The following FAM200B variants were observed in gnomAD, a reference collection of about 807,000 sequenced individuals.
FAM200B encodes zinc finger BED-type containing 11.
Under a neutral mutation model 33.1 loss-of-function variants are expected in FAM200B, and 32 were observed. That is an observed-to-expected ratio of 0.97 (90% confidence interval 0.73 to 1.30). The LOEUF is 1.30. FAM200B is among the 50% of genes most tolerant of loss of function. FAM200B has a pLI of 0.00. For missense variants in FAM200B, 741 were observed against 754.0 expected (o/e 0.98, Z 0.20); for synonymous variants, 240 against 264.8 (o/e 0.91, Z 0.91).
chr4:15,683,556 A>G (rs1718553198), intron 1 of FAM200B, among the ~76,000 whole-genome samples: 1 of 152,204 alleles, frequency 6.6e-6, no homozygotes, highest in East Asian at 1.9e-4. Context: ...AATGATCCAT[A>G]TATAGTAATA....
chr4:15,667,835 A>G, the FAM200B span, among the ~76,000 whole-genome samples: 1 of 152,176 alleles, frequency 6.6e-6, no homozygotes, highest in Non-Finnish European at 1.5e-5. Context: ...TGAGGTCAGG[A>G]GTTCGAGACT....
At chr4:15,654,127 G>C in the FAM200B span, among the ~76,000 whole-genome samples, 8 of 152,274 alleles carry the variant, frequency 5.3e-5, no homozygotes, top group Middle Eastern at 3.4e-3. Context: ...TCCTCCAATC[G>C]CCTGGCTGAG....
At chr4:15,638,735 C>T in the FAM200B span, 5 of 1,285,894 alleles carry the variant, frequency 3.9e-6, no homozygotes, top group Non-Finnish European at 3.3e-6. Flanking sequence ...ATGCTTCATT[C>T]GTGTTGATTT....
chr4:15,644,764 A>G, the FAM200B span: 4 of 1,289,608 alleles, frequency 3.1e-6, no homozygotes, highest in South Asian at 2.6e-5. Flanking sequence ...ATGCACAAAT[A>G]AAAAATATTC....
chr4:15,646,793 G>A, the FAM200B span, among the ~76,000 whole-genome samples: 6 of 150,536 alleles, frequency 4.0e-5, no homozygotes, highest in African/African-American at 1.5e-4. Context: ...AGAACATGCG[G>A]TGTTTGGTTT....
the FAM200B span, among the ~76,000 whole-genome samples, chr4:15,651,952 G>A: frequency 6.6e-6 from 1 of 152,114 alleles, no homozygotes. Flanking sequence ...AACTCCCTTT[G>A]CTCCCACTAT....
the FAM200B span, among the ~76,000 whole-genome samples, chr4:15,670,914 CTTTTTTTTTTTTT>C: frequency 2.6e-4 from 14 of 54,144 alleles, no homozygotes; most frequent in African/African-American, 1.1e-3. Context: ...TGTGCGTAGA[CTTTTTTTTTTTTT>C]TTTTTTTTTT....
In FAM200B at chr4:15,688,125, A is replaced by T. The variant is rs762723727; in HGVS notation, c.1148A>T (p.His383Leu). ...IGTNHTHLLY[H>L]TKIRWLSQGK... ...ACTAATCATACCCACTTACTATATC[A>T]TACCAAAATTCGTTGGTTGTCTCAA... is the stretch of plus-strand genomic sequence containing the variant. The change falls in exon 2 of 2, where the codon CAT (histidine) becomes CTT (leucine). Residue 383 changes from histidine to leucine, a missense_variant. His to Leu is a moderately conservative substitution (Grantham distance 99). Coordinates refer to ENST00000422728, the MANE Select transcript of FAM200B (RefSeq NM_001145191.2). 6.4e-7 allele frequency: 1 copy of T among 1,551,226 alleles called. No homozygotes were observed. The highest frequency in any genetic ancestry group is 8.7e-7 in the Non-Finnish European group (1 of 1,146,776).
At chr4:15,684,282 G>A (rs1246330517) in intron 1 of FAM200B, among the ~76,000 whole-genome samples, 1 of 152,192 alleles carries the variant, frequency 6.6e-6, no homozygotes, top group African/African-American at 2.4e-5. Flanking sequence ...AATTGAGCAT[G>A]TCTATTTAAA....
the FAM200B span, among the ~76,000 whole-genome samples, chr4:15,651,824 T>C: frequency 6.6e-6 from 1 of 152,192 alleles, no homozygotes; most frequent in African/African-American, 2.4e-5. Flanking sequence ...ATAACTGGTT[T>C]ATATATAAGC....
At chr4:15,641,033 T>C in the FAM200B span, 19 of 481,642 alleles carry the variant, frequency 3.9e-5, no homozygotes, top group South Asian at 3.1e-4. Context: ...ACATAAAAGA[T>C]ACCCATAAAA....
chr4:15,676,909 CAAAAAGACA>C (rs972118304), upstream of FAM200B, among the ~76,000 whole-genome samples: 1 of 151,692 alleles, frequency 6.6e-6, no homozygotes, highest in Non-Finnish European at 1.5e-5. Context: ...CTTAAGAAAA[CAAAAAGACA>C]AAAAAAGTAG....
chr4:15,646,954 G>A, the FAM200B span, among the ~76,000 whole-genome samples: 2 of 151,914 alleles, frequency 1.3e-5, no homozygotes, highest in Non-Finnish European at 2.9e-5. Context: ...TGGGCATGGT[G>A]GCTCACACCT....
chr4:15,649,036 A>T, the FAM200B span, among the ~76,000 whole-genome samples: 2 of 152,182 alleles, frequency 1.3e-5, no homozygotes, highest in Non-Finnish European at 2.9e-5. Flanking sequence ...TGATCAACAG[A>T]TCAACAGATC....
the FAM200B span, among the ~76,000 whole-genome samples, chr4:15,654,645 A>G: frequency 2.7e-3 from 413 of 152,354 alleles, no homozygotes; most frequent in Non-Finnish European, 5.1e-3. Flanking sequence ...CAAACCAGTG[A>G]AGAAAGCCGG....
the FAM200B span, among the ~76,000 whole-genome samples, chr4:15,666,061 G>C: frequency 6.6e-6 from 1 of 151,354 alleles, no homozygotes; most frequent in Admixed American, 6.6e-5. Context: ...TCTTGTTCTT[G>C]TAATACAAAC....
the FAM200B span, chr4:15,641,680 AC>A: frequency 2.2e-6 from 1 of 445,416 alleles, no homozygotes; most frequent in Non-Finnish European, 4.4e-6. Flanking sequence ...TTTCAACAGC[AC>A]AGGGTGTTGG....
the FAM200B span, chr4:15,655,195 C>A: frequency 4.1e-5 from 58 of 1,401,342 alleles, no homozygotes; most frequent in Non-Finnish European, 5.3e-5. Flanking sequence ...AGGCTCAGCG[C>A]TCCGTTACCT....
At chr4:15,653,548 T>C in the FAM200B span, among the ~76,000 whole-genome samples, 1 of 152,218 alleles carries the variant, frequency 6.6e-6, no homozygotes, top group South Asian at 2.1e-4. Flanking sequence ...TTCCATATAA[T>C]TTCAGGTGAT....
Sources: gnomAD v4.1 joint callset for allele counts (sites outside exome capture counted in the v4.1 genomes callset) on GRCh38, gnomAD v4.1.1 for gene constraint, MANE v1.5 for transcripts, NCBI Gene and HGNC (gene_info 2026-07-23, HGNC 2026-07-21) for gene names.